PLEKHA5: variants seen among roughly 807,000 people sequenced by gnomAD.
PLEKHA5 encodes pleckstrin homology domain containing A5.
A neutral mutation model predicts 181.9 loss-of-function variants in PLEKHA5; 55 were observed. The observed-to-expected ratio is 0.30, with a 90% CI of 0.24 to 0.38. The LOEUF is 0.38. Among genes scored for constraint, PLEKHA5 ranks in the 10% least tolerant of loss-of-function variants. PLEKHA5 has a pLI of 1.00. For synonymous variants in PLEKHA5, 535 were observed against 529.4 expected (o/e 1.01, Z -0.15); for missense variants, 1,432 against 1,549.5 (o/e 0.92, Z 1.27).
At chr12:19,182,212 A>G (rs868851836) in intron 3 of PLEKHA5, among the ~76,000 whole-genome samples, 2 of 152,234 alleles carry the variant, frequency 1.3e-5, no homozygotes, top group Non-Finnish European at 2.9e-5. Context: ...TTGTTTGGCC[A>G]GATGAGGGCA....
chr12:19,236,555 GA>G (rs1040957796), intron 3 of PLEKHA5, among the ~76,000 whole-genome samples: 1 of 151,918 alleles, frequency 6.6e-6, no homozygotes, highest in Non-Finnish European at 1.5e-5. Flanking sequence ...TATCATCTTG[GA>G]AAAAACAGGA....
intron 20 of PLEKHA5, among the ~76,000 whole-genome samples, chr12:19,336,008 A>G (rs1422104520): frequency 6.6e-6 from 1 of 152,194 alleles, no homozygotes; most frequent in Non-Finnish European, 1.5e-5. Context: ...AAACATCAAA[A>G]TCTTCTCTGT....
intron 29 of PLEKHA5, 49 bp from the exon 30 acceptor site, chr12:19,365,913 TAA>T: frequency 1.5e-6 from 2 of 1,322,630 alleles, no homozygotes. Flanking sequence ...AAAGAAAAAT[TAA>T]TTGTATTCTA....
At chr12:19,296,456 G>A (rs555153664) in intron 15 of PLEKHA5, among the ~76,000 whole-genome samples, 103 of 151,526 alleles carry the variant, frequency 6.8e-4, no homozygotes, top group African/African-American at 2.4e-3. Flanking sequence ...GCTGAGGAAT[G>A]AGAATCACTT....
rs1046182337 is a variant in PLEKHA5, at chr12:19,376,003, A to G, written c.*484A>G. ...CACTTGATTTGTAAAAATTTTATAT[A>G]TATGTATTTAAAATGTGCCATTTTA... On this transcript the variant is annotated 3_prime_UTR_variant, in exon 32 of 32. Transcript: ENST00000429027. 2.6e-5 allele frequency: 4 copies of G among 152,010 alleles called. No homozygotes were observed. Among genetic ancestry groups the G allele is most frequent in the South Asian group, 2.1e-4 (1 of 4,780 alleles). The allele number at this position is 152,010 out of a possible 1,614,324, so 9.4% of individuals were successfully genotyped here. A position where few individuals can be genotyped will look rare whatever the true frequency, so the allele number is the denominator to read the frequency against.
rs1044409880 is a variant in PLEKHA5, at chr12:19,232,414, G to A, written c.228-21526G>A. ...GGAGGAACTTGTGGCTACTAATCTC[G>A]TACAAGAAGTGGAAAGAATTTAGAA... On this transcript the variant is annotated intron_variant, in intron 3 of 31. Transcript: ENST00000429027. Among the ~76,000 whole-genome samples, 6 of 152,182 alleles carry A rather than the reference G, an allele frequency of 3.9e-5. No individual in the cohort carries two copies. The East Asian group carries it at 7.7e-4, about 20-fold the overall frequency.
chr12:19,198,692 AT>A (rs1248585697), intron 3 of PLEKHA5, among the ~76,000 whole-genome samples: 2 of 152,274 alleles, frequency 1.3e-5, no homozygotes, highest in Middle Eastern at 3.4e-3. Flanking sequence ...GATTTTTTTA[AT>A]TACAAATTTT....
At chr12:19,131,552 T>G (rs546184342) in intron 2 of PLEKHA5, among the ~76,000 whole-genome samples, 1 of 152,344 alleles carries the variant, frequency 6.6e-6, no homozygotes, top group East Asian at 1.9e-4. Context: ...ATATGACATT[T>G]AAATTATTTA....
At chr12:19,160,486 A>G (rs368757213) in intron 3 of PLEKHA5, among the ~76,000 whole-genome samples, 1 of 152,270 alleles carries the variant, frequency 6.6e-6, no homozygotes, top group African/African-American at 2.4e-5. Context: ...GAAACGTAGA[A>G]TATCACACCA....
At chr12:19,210,664 A>G (rs2056721115) in intron 3 of PLEKHA5, among the ~76,000 whole-genome samples, 1 of 152,236 alleles carries the variant, frequency 6.6e-6, no homozygotes, top group African/African-American at 2.4e-5. Flanking sequence ...TTAAGTATAT[A>G]TCAGAAACAT....
At chr12:19,347,332 C>T in intron 24 of PLEKHA5, 150 bp downstream of exon 24, 4 of 390,848 alleles carry the variant, frequency 1.0e-5, no homozygotes, top group Admixed American at 4.5e-5. Context: ...ATGACTTTAT[C>T]ATTTGTGTCT....
intron 10 of PLEKHA5, among the ~76,000 whole-genome samples, chr12:19,272,031 T>G (rs151015020): frequency 2.8e-3 from 423 of 152,324 alleles, no homozygotes; most frequent in Non-Finnish European, 4.7e-3. Context: ...CTTAAAATAT[T>G]TATCAGAGCT....
intron 3 of PLEKHA5, among the ~76,000 whole-genome samples, chr12:19,227,925 C>T (rs2059918759): frequency 6.6e-6 from 1 of 152,118 alleles, no homozygotes; most frequent in African/African-American, 2.4e-5. Flanking sequence ...GTGATGTGAA[C>T]TTAAGTTCAT....
chr12:19,240,198 T>C (rs1385286093), intron 3 of PLEKHA5, among the ~76,000 whole-genome samples: 1 of 152,186 alleles, frequency 6.6e-6, no homozygotes. Context: ...CTCTGTCAGT[T>C]TGACTCTACT....
chr12:19,339,063 A>G (rs2093672582), intron 21 of PLEKHA5, among the ~76,000 whole-genome samples: 2 of 150,588 alleles, frequency 1.3e-5, no homozygotes, highest in Non-Finnish European at 3.0e-5. Context: ...TTTTTGAGAC[A>G]GAGTTTCACT....
chr12:19,327,247 G>GTTTTTTTTTTT (rs55983306), intron 20 of PLEKHA5, among the ~76,000 whole-genome samples: 13 of 138,454 alleles, frequency 9.4e-5, no homozygotes, highest in Middle Eastern at 3.8e-3. Context: ...ATCTGTTTTT[G>GTTTTTTTTTTT]TTTTTTTTTT....
chr12:19,298,901 C>T (rs1417907258), intron 15 of PLEKHA5, among the ~76,000 whole-genome samples: 1 of 152,132 alleles, frequency 6.6e-6, no homozygotes, highest in Admixed American at 6.6e-5. Flanking sequence ...CCTTAAAACC[C>T]CCAGCGGAAA....
chr12:19,139,092 C>T (rs1446268003), intron 3 of PLEKHA5, among the ~76,000 whole-genome samples: 1 of 63,978 alleles, frequency 1.6e-5, no homozygotes, highest in East Asian at 3.2e-4. Context: ...TTTGTGGCAG[C>T]GGGAATGGAA....
Position 19,283,418 on chromosome 12 carries a change from C to A in PLEKHA5, c.1452C>A (p.Ser484=). 1 of 1,614,046 alleles carries A rather than the reference C, an allele frequency of 6.2e-7. No homozygotes were observed. The highest frequency in any genetic ancestry group is 8.5e-7 in the Non-Finnish European group (1 of 1,180,018). ...AAAGTATCTGCAGTGTAACCCCTTC[C>A]ACTCATGACAAGACATTAGGACCCG... ...RPESICSVTP[S]THDKTLGPGA... is the part of the protein sequence containing the mutation. Residue 484 remains serine (S), a synonymous_variant, in exon 12 of 32, where the codon TCC becomes TCA. Coordinates refer to ENST00000429027, the MANE Select transcript of PLEKHA5 (RefSeq NM_001256470.2).
Sources: gnomAD v4.1 joint callset for allele counts (sites outside exome capture counted in the v4.1 genomes callset) on GRCh38, gnomAD v4.1.1 for gene constraint, MANE v1.5 for transcripts, NCBI Gene and HGNC (gene_info 2026-07-23, HGNC 2026-07-21) for gene names.